Variants in EDDM13 observed in about 807,000 individuals in gnomAD.
EDDM13 encodes epididymal protein 13.
EDDM13 carries 24 observed loss-of-function variants against 17.8 expected under a neutral mutation model. The observed-to-expected ratio is 1.35, with a 90% CI of 0.98 to 1.90. The LOEUF (loss-of-function observed/expected upper bound fraction) is 1.90. EDDM13 is among the 40% of genes most tolerant of loss of function. EDDM13 has a pLI of 0.00. For synonymous variants in EDDM13, 31 were observed against 37.5 expected (o/e 0.83, Z 0.63); for missense variants, 97 against 100.8 (o/e 0.96, Z 0.16).
At chr19:56,300,667 G>T (rs1241741380) in intron 12 of EDDM13, among the ~76,000 whole-genome samples, 1 of 152,162 alleles carries the variant, frequency 6.6e-6, no homozygotes, top group Non-Finnish European at 1.5e-5. Context: ...TAAGCAAAGG[G>T]GACAAGGAGT....
intron 5 of EDDM13, among the ~76,000 whole-genome samples, chr19:56,284,658 G>A (rs962875756): frequency 6.6e-6 from 1 of 151,740 alleles, no homozygotes; most frequent in African/African-American, 2.4e-5. Context: ...GGGATTACAG[G>A]CACCCACCAC....
chr19:56,302,484 C>T (rs7255474), intron 13 of EDDM13, among the ~76,000 whole-genome samples: 53,609 of 126,688 alleles, frequency 0.42, 13,001 homozygotes, highest in East Asian at 0.64. Flanking sequence ...TTCTTCCTTC[C>T]CATCCTTCTT....
chr19:56,276,474 C>T (rs981204398), intron 2 of EDDM13, among the ~76,000 whole-genome samples: 18 of 147,482 alleles, frequency 1.2e-4, no homozygotes, highest in East Asian at 5.9e-4. Flanking sequence ...CCACTGAACA[C>T]GCGAAAAAAA....
chr19:56,288,778 TAGTC>T (rs1397802971), intron 7 of EDDM13, among the ~76,000 whole-genome samples, 92 bp from the exon 8 acceptor site: 1 of 152,230 alleles, frequency 6.6e-6, no homozygotes, highest in African/African-American at 2.4e-5. Context: ...CAGGGATGCT[TAGTC>T]AGTGGTGTCT....
chr19:56,272,996 A>G, intron 1 of EDDM13, 77 bp downstream of exon 1: 1 of 563,020 alleles, frequency 1.8e-6, no homozygotes, highest in Non-Finnish European at 2.3e-6. Context: ...CTGGATTCAG[A>G]GAGAAGCTCC....
intron 2 of EDDM13, chr19:56,280,693 G>A (rs949309573): frequency 6.6e-6 from 1 of 152,098 alleles, no homozygotes; most frequent in Admixed American, 6.5e-5. Context: ...CCTTCCTGTT[G>A]TGTCATCCTA....
intron 10 of EDDM13, 79 bp from the exon 11 acceptor site, chr19:56,296,257 G>C (rs1384793032): frequency 6.6e-6 from 1 of 152,392 alleles, no homozygotes; most frequent in African/African-American, 2.4e-5. Context: ...CTTGGGGCGA[G>C]CCTGCTGGAC....
chr19:56,292,673 A>G (rs190274505), intron 9 of EDDM13, among the ~76,000 whole-genome samples: 12 of 151,908 alleles, frequency 7.9e-5, no homozygotes, highest in African/African-American at 2.9e-4. Flanking sequence ...GAACTTTATA[A>G]TCACTGCCCC....
At chr19:56,273,506 C>T (rs2038012231) in intron 1 of EDDM13, among the ~76,000 whole-genome samples, 1 of 152,208 alleles carries the variant, frequency 6.6e-6, no homozygotes, top group African/African-American at 2.4e-5. Flanking sequence ...GCTAAACACA[C>T]ACATTCTAGT....
chr19:56,297,604 C>T (rs979171355), intron 12 of EDDM13, 73 bp downstream of exon 12: 1 of 868,418 alleles, frequency 1.2e-6, no homozygotes, highest in African/African-American at 1.9e-5. Context: ...ATGATAAAGC[C>T]TTAGAAGAGA....
Position 56,273,693 on chromosome 19 carries a change from T to C in EDDM13, c.85+774T>C, listed in dbSNP as rs1268397250. Among the ~76,000 whole-genome samples, 4 of 151,904 alleles carry C rather than the reference T, an allele frequency of 2.6e-5. No individual in the cohort carries two copies. The South Asian group carries it at 6.2e-4, about 24-fold the overall frequency. Reference sequence around the variant, plus strand: ...AGAGGCCGGTGTGTCAGGAACGTGGTAGGCAGAAGGAGGGGCATGGTGGTG... The same window carrying C: ...AGAGGCCGGTGTGTCAGGAACGTGGCAGGCAGAAGGAGGGGCATGGTGGTG... On this transcript the variant is annotated intron_variant, in intron 1 of 14. Coordinates refer to ENST00000649256, the MANE Select transcript of EDDM13 (RefSeq NM_001354658.2).
chr19:56,290,360 A>G (rs1877015184), intron 8 of EDDM13, among the ~76,000 whole-genome samples: 1 of 152,254 alleles, frequency 6.6e-6, no homozygotes, highest in Admixed American at 6.5e-5. Context: ...GCAGAGCTGC[A>G]TAGTTGTGAC....
chr19:56,303,918 G>T (rs1284579439), intron 13 of EDDM13, among the ~76,000 whole-genome samples: 1 of 152,180 alleles, frequency 6.6e-6, no homozygotes, highest in South Asian at 2.1e-4. Flanking sequence ...AGACCCTGAG[G>T]CAGGAACACA....
intron 13 of EDDM13, among the ~76,000 whole-genome samples, chr19:56,302,616 TTCCTCCCTCCCTCC>T (rs1228088991): frequency 3.2e-4 from 30 of 94,002 alleles, no homozygotes; most frequent in Non-Finnish European, 5.1e-4. Context: ...CCTCTCCCTC[TTCCTCCCTCCCTCC>T]TCCTCCCTTC....
rs1166927792 is a variant in EDDM13, at chr19:56,287,231, C to A, written c.155-1154C>A. Among the ~76,000 whole-genome samples, 3 of 152,240 alleles carry A rather than the reference C, an allele frequency of 2.0e-5. No homozygotes were observed. The South Asian group carries it at 6.2e-4, about 32-fold the overall frequency. ...AGAACTCTCCTCCTTGCCCATCGAC[C>A]TGGAAGTAGAACTCTCCTCCGGGGG... On this transcript the variant is annotated intron_variant, in intron 6 of 14. Transcript: ENST00000649256.
At chr19:56,276,364 T>C (rs2038252551) in intron 2 of EDDM13, among the ~76,000 whole-genome samples, 1 of 152,090 alleles carries the variant, frequency 6.6e-6, no homozygotes, top group East Asian at 1.9e-4. Context: ...ATGAAGAGCA[T>C]TTATCAGGGA....
chr19:56,302,346 C>G (rs1452292305), intron 13 of EDDM13, among the ~76,000 whole-genome samples: 1 of 145,228 alleles, frequency 6.9e-6, no homozygotes, highest in East Asian at 2.2e-4. Context: ...TCCCTTTCCT[C>G]TTCCTTTTTT....
intron 14 of EDDM13, among the ~76,000 whole-genome samples, chr19:56,308,297 G>C (rs1009370596): frequency 6.6e-6 from 1 of 151,738 alleles, no homozygotes; most frequent in Non-Finnish European, 1.5e-5. Context: ...CTCCCAAAGT[G>C]CTGGGATTAC....
intron 8 of EDDM13, among the ~76,000 whole-genome samples, chr19:56,289,562 G>A (rs181135316): frequency 6.6e-6 from 1 of 152,296 alleles, no homozygotes; most frequent in East Asian, 1.9e-4. Context: ...AAACTGTATG[G>A]CACATAGTTG....
Sources: allele counts gnomAD v4.1 joint callset (sites outside exome capture counted in the v4.1 genomes callset), GRCh38; gene constraint gnomAD v4.1.1; transcripts MANE v1.5; gene names NCBI Gene and HGNC (gene_info 2026-07-23, HGNC 2026-07-21).